Variants in SGCG observed in about 807,000 individuals in gnomAD.
SGCG encodes sarcoglycan gamma.
A neutral mutation model predicts 29.3 loss-of-function variants in SGCG; 26 were observed. The ratio of observed to expected loss-of-function variants is 0.89; its 90% CI spans 0.65 to 1.23. The LOEUF (loss-of-function observed/expected upper bound fraction) is 1.23, where lower values mean the gene tolerates loss of function less well. Ranked by LOEUF, SGCG falls within the 50% of genes most tolerant of loss-of-function variation. The probability of loss-of-function intolerance (pLI) is 0.00; values close to 1 mark genes in which losing one functional copy is unlikely to be tolerated. For missense variants in SGCG, 353 were observed against 356.0 expected, an observed-to-expected ratio of 0.99 and a Z score of 0.07; for synonymous variants, 145 against 129.7, an observed-to-expected ratio of 1.12 and a Z score of -0.80.
chr13:23,187,220 C>T (rs1408418733), intron 1 of SGCG, among the ~76,000 whole-genome samples: 1 of 152,154 alleles, frequency 6.6e-6, no homozygotes, highest in Non-Finnish European at 1.5e-5. Context: ...GAGCCACTCT[C>T]GCTATGGTGC....
At chr13:23,219,600 A>T (rs1223968457) in intron 2 of SGCG, among the ~76,000 whole-genome samples, 1 of 152,086 alleles carries the variant, frequency 6.6e-6, no homozygotes, top group African/African-American at 2.4e-5. Flanking sequence ...TGTATATTTT[A>T]AAATAGCTGA....
chr13:23,256,085 A>G (rs1392355157), intron 4 of SGCG, among the ~76,000 whole-genome samples: 1 of 152,216 alleles, frequency 6.6e-6, no homozygotes, highest in Non-Finnish European at 1.5e-5. Flanking sequence ...ACAATAACCT[A>G]TAAATATTAA....
intron 6 of SGCG, among the ~76,000 whole-genome samples, chr13:23,314,412 T>G (rs1882727864): frequency 2.5e-5 from 1 of 40,800 alleles, no homozygotes; most frequent in Admixed American, 2.2e-4. Context: ...ATATATAATC[T>G]TATTCTGTCC....
chr13:23,177,295 A>G (rs148674665), upstream of SGCG, among the ~76,000 whole-genome samples: 5 of 152,274 alleles, frequency 3.3e-5, no homozygotes, highest in East Asian at 3.9e-4. Context: ...GTCCTGTTGC[A>G]TAGTAGGGTG....
intron 7 of SGCG, among the ~76,000 whole-genome samples, chr13:23,321,353 A>G (rs1382962595): frequency 6.6e-6 from 1 of 152,216 alleles, no homozygotes; most frequent in Non-Finnish European, 1.5e-5. Flanking sequence ...AGAACCCTGT[A>G]TACACTATCT....
chr13:23,242,557 T>A (rs529592107), intron 3 of SGCG, among the ~76,000 whole-genome samples: 1 of 152,320 alleles, frequency 6.6e-6, no homozygotes, highest in Non-Finnish European at 1.5e-5. Context: ...ACAACAGCTG[T>A]ATTCAAACAG....
chr13:23,173,237 C>G, the SGCG span, among the ~76,000 whole-genome samples: 1 of 152,156 alleles, frequency 6.6e-6, no homozygotes, highest in Non-Finnish European at 1.5e-5. Context: ...CTTAAACTCT[C>G]AGCATCAAAG....
At chr13:23,290,758 T>G (rs1044970296) in intron 5 of SGCG, among the ~76,000 whole-genome samples, 1 of 151,796 alleles carries the variant, frequency 6.6e-6, no homozygotes. Context: ...GTTATCAGTG[T>G]TGATACAAAA....
intron 1 of SGCG, among the ~76,000 whole-genome samples, chr13:23,197,525 G>A (rs1036810674): frequency 6.6e-6 from 1 of 152,150 alleles, no homozygotes; most frequent in African/African-American, 2.4e-5. Flanking sequence ...CCTTACCCAA[G>A]GCAGGTAGAA....
At chr13:23,231,493 T>C (rs1879110933) in intron 2 of SGCG, among the ~76,000 whole-genome samples, 1 of 152,154 alleles carries the variant, frequency 6.6e-6, no homozygotes, top group Non-Finnish European at 1.5e-5. Flanking sequence ...TTTTTGGTGA[T>C]ATAACAAATA....
At chr13:23,324,197 A>G (rs185642864) in intron 7 of SGCG, among the ~76,000 whole-genome samples, 171 bp from the exon 8 acceptor site, 1 of 152,234 alleles carries the variant, frequency 6.6e-6, no homozygotes, top group Non-Finnish European at 1.5e-5. Context: ...GTAAAATAGA[A>G]CTGGGCTTTA....
upstream of SGCG, among the ~76,000 whole-genome samples, chr13:23,178,394 C>T (rs1482614403): frequency 1.3e-5 from 2 of 152,052 alleles, no homozygotes; most frequent in Non-Finnish European, 2.9e-5. Flanking sequence ...CATCGTCAAC[C>T]GAGGAAGGAA....
At chr13:23,193,502 T>C (rs1344877207) in intron 1 of SGCG, among the ~76,000 whole-genome samples, 1 of 150,062 alleles carries the variant, frequency 6.7e-6, no homozygotes, top group Non-Finnish European at 1.5e-5. Flanking sequence ...AGGCAGGGCT[T>C]GCTGATGAAG....
the SGCG span, among the ~76,000 whole-genome samples, chr13:23,171,344 A>G: frequency 1.3e-5 from 2 of 152,222 alleles, no homozygotes; most frequent in African/African-American, 4.8e-5. Context: ...AACATTGACC[A>G]TTGAAGAAGA....
intron 3 of SGCG, chr13:23,246,350 T>C (rs1879709046): frequency 1.3e-5 from 2 of 152,226 alleles, no homozygotes; most frequent in South Asian, 4.1e-4. Context: ...CCAAGTACCC[T>C]CTGGCAGCCA....
At chr13:23,254,459 G>A (rs550113945) in intron 4 of SGCG, among the ~76,000 whole-genome samples, 1 of 152,104 alleles carries the variant, frequency 6.6e-6, no homozygotes, top group South Asian at 2.1e-4. Context: ...TATTCAAGAA[G>A]CAGTCTGGCT....
rs545657764 is a variant in SGCG at position 23,283,279 on chromosome 13, T to C, written c.505+3801T>C. 2.2e-4 allele frequency among the ~76,000 whole-genome samples: 33 copies of C among 152,336 alleles called. No homozygotes were observed. The East Asian group carries it at 4.2e-3, about 20-fold the overall frequency. ...GTCTCTTTGTAGGTCTCTAAGAACT[T>C]GCTTTATGAGTCTGGGTGCTCCTGT... On this transcript the variant is annotated intron_variant, in intron 5 of 7. Transcript: ENST00000218867.
intron 1 of SGCG, among the ~76,000 whole-genome samples, chr13:23,196,399 T>C (rs1877512690): frequency 6.6e-6 from 1 of 152,196 alleles, no homozygotes; most frequent in South Asian, 2.1e-4. Context: ...TAACTTTCAC[T>C]TTCTTCATCA....
intron 1 of SGCG, among the ~76,000 whole-genome samples, chr13:23,188,502 T>TTA (rs1565992168): frequency 1.4e-5 from 2 of 140,866 alleles, no homozygotes; most frequent in Admixed American, 7.1e-5. Context: ...TTTTTTTTTT[T>TTA]GGGACAGGTA....
Sources: allele counts gnomAD v4.1 joint callset (sites outside exome capture counted in the v4.1 genomes callset), GRCh38; gene constraint gnomAD v4.1.1; transcripts MANE v1.5; gene names NCBI Gene and HGNC (gene_info 2026-07-23, HGNC 2026-07-21).